The following MBP variants were observed in gnomAD, a reference collection of about 807,000 sequenced individuals.
MBP encodes myelin basic protein.
Under a neutral mutation model 35.8 loss-of-function variants are expected in MBP, and 16 were observed. The observed-to-expected ratio is 0.45, with a 90% CI of 0.30 to 0.68. The LOEUF is 0.68. MBP is among the 30% of genes least tolerant of loss of function. The probability of loss-of-function intolerance (pLI) is 0.08; values close to 1 mark genes in which losing one functional copy is unlikely to be tolerated. For synonymous variants in MBP, 143 were observed against 159.6 expected, an observed-to-expected ratio of 0.90 and a Z score of 0.78; for missense variants, 380 against 404.7, an observed-to-expected ratio of 0.94 and a Z score of 0.52.
intron 2 of MBP, chr18:77,097,143 C>T (rs904813828): frequency 1.3e-5 from 2 of 152,404 alleles, no homozygotes; most frequent in South Asian, 4.1e-4. Context: ...AAGTGAGCCC[C>T]CCACTGTGGG....
chr18:76,979,685 T>C lies in MBP; in HGVS notation c.*742A>G. 1 of 485,776 alleles carries C rather than the reference T, an allele frequency of 2.1e-6. No homozygotes were observed. The highest frequency in any genetic ancestry group is 3.7e-6 in the Non-Finnish European group (1 of 271,454). The allele number at this position is 485,776 out of a possible 1,614,324, so 30.1% of individuals were successfully genotyped here. A position where few individuals can be genotyped will look rare whatever the true frequency, so the allele number is the denominator to read the frequency against. The stretch of plus-strand genomic sequence containing the variant: ...TGCTTGACATCTCCATCACCAAATC[T>C]CCAGGAAGACCCTGTTTCCTATGTG... On this transcript the variant is annotated 3_prime_UTR_variant, in exon 9 of 9. Transcript: ENST00000355994.
rs373804642 is a variant in MBP at position 76,988,457 on chromosome 18, C to T, written c.750+38G>A. The T allele has an allele frequency of 1.2e-5, 20 of 1,614,046 alleles. No individual in the cohort carries two copies. The highest frequency in any genetic ancestry group is 4.5e-5 in the East Asian group (2 of 44,882). ...AGTTGCGGGGCTGTGAGGACTGGGA[C>T]GGAAGAGGAAGCCGATGGAAGTGCG... is the stretch of plus-strand genomic sequence containing the variant. On this transcript the variant is annotated intron_variant, in intron 7 of 8. Coordinates refer to ENST00000355994, the MANE Select transcript of MBP (RefSeq NM_001025101.2). The surrounding 1 kb of genome is among the most constrained non-coding windows in gnomAD (Gnocchi z 5.2).
chr18:77,068,598 T>C (rs1974306661), intron 2 of MBP, among the ~76,000 whole-genome samples: 1 of 152,192 alleles, frequency 6.6e-6, no homozygotes, highest in South Asian at 2.1e-4. Context: ...TAGCAGCCAA[T>C]TAAGGTGTTC....
At chr18:77,078,051 C>T (rs1051691688) in intron 2 of MBP, among the ~76,000 whole-genome samples, 1 of 152,212 alleles carries the variant, frequency 6.6e-6, no homozygotes. Flanking sequence ...CATGGGCCTC[C>T]TTATCTCCCA....
At position 77,028,997 on chromosome 18, in the gene MBP, C is replaced by T. The variant is rs1437243589; in HGVS notation, c.140-11729G>A. Among the ~76,000 whole-genome samples the T allele has an allele frequency of 5.6e-3, 615 of 110,248 alleles. 23 individuals carry two copies. Among genetic ancestry groups the T allele is most frequent in the Non-Finnish European group, 9.2e-3 (397 of 43,216 alleles). 72.3% of individuals were successfully genotyped at this position (110,248 alleles called of 152,430 possible). A position where few individuals can be genotyped will look rare whatever the true frequency, so the allele number is the denominator to read the frequency against. ...GGCCAGGCAGAGACGCTCCTCACTTCCCAGACGGGGTGGCGGCCGGGCAGA... is the reference window on the plus strand; with the variant it reads ...GGCCAGGCAGAGACGCTCCTCACTTTCCAGACGGGGTGGCGGCCGGGCAGA... On this transcript the variant is annotated intron_variant, in intron 3 of 8. Coordinates refer to ENST00000355994, the MANE Select transcript of MBP (RefSeq NM_001025101.2).
At chr18:77,104,210 A>C (rs1394372340) in intron 2 of MBP, among the ~76,000 whole-genome samples, 1 of 152,236 alleles carries the variant, frequency 6.6e-6, no homozygotes, top group Non-Finnish European at 1.5e-5. Context: ...AAATCCTGGC[A>C]GCCAAAGTAC....
chr18:76,994,132 G>A (rs1324886639), intron 4 of MBP, among the ~76,000 whole-genome samples: 1 of 152,188 alleles, frequency 6.6e-6, no homozygotes, highest in Non-Finnish European at 1.5e-5. Flanking sequence ...TGGAAGAGAC[G>A]GGAAACTCTT....
At chr18:77,049,121 G>A (rs998244683) in intron 3 of MBP, among the ~76,000 whole-genome samples, 6 of 151,458 alleles carry the variant, frequency 4.0e-5, no homozygotes, top group Non-Finnish European at 8.8e-5. Context: ...AGGTTTCACC[G>A]TGTTAGCCTG....
intron 4 of MBP, among the ~76,000 whole-genome samples, chr18:77,009,459 C>T (rs977122666): frequency 2.0e-5 from 3 of 152,200 alleles, no homozygotes; most frequent in Admixed American, 1.3e-4. Context: ...AAAGCAAACT[C>T]GGGTATGCAC....
At chr18:77,076,384 G>A (rs1262606744) in intron 2 of MBP, among the ~76,000 whole-genome samples, 1 of 152,254 alleles carries the variant, frequency 6.6e-6, no homozygotes, top group Non-Finnish European at 1.5e-5. Context: ...GAGGCCACAT[G>A]GAGAGGGGAG....
intron 1 of MBP, among the ~76,000 whole-genome samples, chr18:77,126,390 G>A (rs1461551998): frequency 6.6e-6 from 1 of 152,072 alleles, no homozygotes; most frequent in East Asian, 1.9e-4. Context: ...GAATAGACAT[G>A]GACTATTGAC....
chr18:77,047,254 C>G (rs936664957), intron 3 of MBP, among the ~76,000 whole-genome samples: 2 of 152,176 alleles, frequency 1.3e-5, no homozygotes, highest in Admixed American at 1.3e-4. Flanking sequence ...TGAGCTGATG[C>G]GTGGATGAAC....
At chr18:77,009,908 C>T in intron 4 of MBP, 3 of 1,589,702 alleles carry the variant, frequency 1.9e-6, no homozygotes, top group Non-Finnish European at 2.6e-6. Flanking sequence ...GGGCTCCGGC[C>T]CGGCTTTAGC....
intron 4 of MBP, among the ~76,000 whole-genome samples, chr18:76,991,745 G>A (rs1287777616): frequency 1.3e-5 from 2 of 152,176 alleles, no homozygotes; most frequent in African/African-American, 4.8e-5. Context: ...TGCTGGCTGC[G>A]CCCCGTCGAC....
chr18:77,016,673 C>A, intron 4 of MBP, 159 bp downstream of exon 4: 2 of 1,436,286 alleles, frequency 1.4e-6, no homozygotes, highest in Non-Finnish European at 1.8e-6. Flanking sequence ...GCCACTCAGG[C>A]CCACACTCTT....
At chr18:77,110,458 T>A (rs1254093848) in intron 1 of MBP, 1 of 147,786 alleles carries the variant, frequency 6.8e-6, no homozygotes, top group Non-Finnish European at 1.5e-5. Context: ...ATGACATATG[T>A]GAATTTTTTT....
rs146235081 is a variant in MBP, at chr18:77,131,069, ACGCGCG to A, written c.-26+1505_-26+1510del. Among the ~76,000 whole-genome samples the A allele has an allele frequency of 0.013, 1,059 of 80,706 alleles. 35 individuals are homozygous for A. The South Asian group carries it at 0.16, about 12-fold the overall frequency. The allele number at this position is 80,706 out of a possible 152,430, so 52.9% of individuals were successfully genotyped here. On this transcript the variant is annotated intron_variant, in intron 1 of 8. Coordinates refer to ENST00000355994, the MANE Select transcript of MBP (RefSeq NM_001025101.2). This position sits in a 1 kb window ranked among gnomAD's most constrained non-coding sequence, Gnocchi z 5.5. ...AAACCTCAAAAAACAAAACACACAC[ACGCGCG>A]CACGCACGCGCACACACACACACAC... is the stretch of plus-strand genomic sequence containing the variant.
chr18:77,016,057 A>C, intron 4 of MBP: 1 of 985,358 alleles, frequency 1.0e-6, no homozygotes, highest in Non-Finnish European at 1.2e-6. Flanking sequence ...TCTGAATGGC[A>C]CTCAGGGACC....
intron 2 of MBP, among the ~76,000 whole-genome samples, chr18:77,068,335 GACCTTCT>G (rs1451431271): frequency 2.0e-5 from 3 of 152,148 alleles, no homozygotes; most frequent in African/African-American, 7.2e-5. Context: ...ATCTTTATTT[GACCTTCT>G]GAGCAATCAG....
Sources: allele counts gnomAD v4.1 joint callset (sites outside exome capture counted in the v4.1 genomes callset), GRCh38; gene constraint gnomAD v4.1.1; non-coding constraint Gnocchi (gnomAD v3.1); transcripts MANE v1.5; gene names NCBI Gene and HGNC (gene_info 2026-07-23, HGNC 2026-07-21).